LINGO2: variants seen among roughly 807,000 people sequenced by gnomAD.
LINGO2 encodes the protein leucine rich repeat and Ig domain containing 2, also known as leucine-rich repeat and immunoglobulin-like domain-containing nogo receptor-interacting protein 2.
Under a neutral mutation model 30.6 loss-of-function variants are expected in LINGO2, and 14 were observed. The ratio of observed to expected loss-of-function variants is 0.46; its 90% confidence interval spans 0.30 to 0.72. The LOEUF is 0.72. Ranked by LOEUF, LINGO2 falls within the 30% of genes least tolerant of loss-of-function variation. The pLI, the probability that LINGO2 is intolerant of heterozygous loss-of-function variation, is 0.07. For synonymous variants in LINGO2, 317 were observed against 288.5 expected (o/e 1.10, Z -1.00); for missense variants, 729 against 751.7 (o/e 0.97, Z 0.35).
At chr9:28,991,302 G>A in the LINGO2 span, among the ~76,000 whole-genome samples, 4 of 151,104 alleles carry the variant, frequency 2.6e-5, no homozygotes, top group Non-Finnish European at 5.9e-5. Flanking sequence ...AAGCGAGAAG[G>A]GAAGTTTAGA....
intron 3 of LINGO2, among the ~76,000 whole-genome samples, chr9:28,365,493 T>C (rs1028616589): frequency 1.5e-4 from 23 of 152,250 alleles, no homozygotes; most frequent in African/African-American, 5.5e-4. Flanking sequence ...CACCCCCTAG[T>C]GCAAGAGCTC....
the LINGO2 span, among the ~76,000 whole-genome samples, chr9:28,958,834 A>C: frequency 6.6e-6 from 1 of 152,078 alleles, no homozygotes; most frequent in Non-Finnish European, 1.5e-5. Flanking sequence ...ATGATATCCA[A>C]GGAAGGAGCC....
chr9:28,310,449 C>G (rs1824567995), intron 3 of LINGO2, among the ~76,000 whole-genome samples: 1 of 151,972 alleles, frequency 6.6e-6, no homozygotes, highest in African/African-American at 2.4e-5. Context: ...CTGCAGCCCT[C>G]CAAAAAGAAT....
At chr9:28,756,189 TG>T in the LINGO2 span, among the ~76,000 whole-genome samples, 1 of 151,996 alleles carries the variant, frequency 6.6e-6, no homozygotes, top group Admixed American at 6.5e-5. Flanking sequence ...CAGCATGCCC[TG>T]GATGTGAGAT....
chr9:28,672,945 A>C (rs1172027920), upstream of LINGO2, among the ~76,000 whole-genome samples: 1 of 152,162 alleles, frequency 6.6e-6, no homozygotes, highest in Non-Finnish European at 1.5e-5. Context: ...ATGTTGGTGA[A>C]GTAAAGAGTA....
Position 28,421,475 on chromosome 9 carries a change from C to T in LINGO2, c.-278-48607G>A, listed in dbSNP as rs536388788. Among the ~76,000 whole-genome samples the T allele has an allele frequency of 7.0e-5, 10 of 142,914 alleles. No homozygotes were observed. In the East Asian group the frequency reaches 2.0e-3, roughly 28 times the overall value. The allele number at this position is 142,914 out of a possible 152,430, so 93.8% of individuals were successfully genotyped here. A position where few individuals can be genotyped will look rare whatever the true frequency, so the allele number is the denominator to read the frequency against. ...GGAATTTCAAGGGACAACAAATAGC[C>T]AAAAACGTCTTGAAAAAAAAAACAA... On this transcript the variant is annotated intron_variant, in intron 2 of 5. Coordinates refer to ENST00000379992, the Ensembl canonical transcript of LINGO2.
At chr9:28,332,598 G>T (rs62555409) in intron 3 of LINGO2, among the ~76,000 whole-genome samples, 67 of 151,430 alleles carry the variant, frequency 4.4e-4, no homozygotes, top group African/African-American at 1.4e-3. Context: ...AAAAAAAAAG[G>T]CAGGGGGAAT....
At chr9:29,111,792 A>G in the LINGO2 span, among the ~76,000 whole-genome samples, 2 of 118,778 alleles carry the variant, frequency 1.7e-5, no homozygotes, top group Admixed American at 8.4e-5. Context: ...CTAAAGTTCC[A>G]TGGGTATGGG....
intron 2 of LINGO2, among the ~76,000 whole-genome samples, chr9:28,406,964 C>T (rs1423064756): frequency 6.6e-6 from 1 of 152,140 alleles, no homozygotes; most frequent in African/African-American, 2.4e-5. Context: ...CCCAATTAGT[C>T]TCTTAATTCC....
the LINGO2 span, among the ~76,000 whole-genome samples, chr9:28,675,905 G>T: frequency 7.9e-6 from 1 of 126,064 alleles, no homozygotes; most frequent in African/African-American, 2.9e-5. Context: ...GTGTGTGTAT[G>T]TATATATATA....
At chr9:29,180,118 T>C in the LINGO2 span, among the ~76,000 whole-genome samples, 3 of 152,198 alleles carry the variant, frequency 2.0e-5, no homozygotes, top group Non-Finnish European at 4.4e-5. Flanking sequence ...ATAATTGCAA[T>C]TTCAATCATT....
intron 4 of LINGO2, among the ~76,000 whole-genome samples, chr9:28,058,928 CAATT>C (rs1305571125): frequency 6.6e-6 from 1 of 152,048 alleles, no homozygotes; most frequent in Non-Finnish European, 1.5e-5. Context: ...TATAAGTAAA[CAATT>C]ATATATAAAT....
chr9:28,085,488 T>C (rs1415241077), intron 4 of LINGO2, among the ~76,000 whole-genome samples: 1 of 152,084 alleles, frequency 6.6e-6, no homozygotes. Context: ...GCAAGCAGAG[T>C]AATTGTTTAT....
chr9:28,828,136 A>G, the LINGO2 span, among the ~76,000 whole-genome samples: 23 of 151,994 alleles, frequency 1.5e-4, no homozygotes, highest in East Asian at 4.4e-3. Flanking sequence ...TGTAATAGTT[A>G]AACCTAAGAA....
At chr9:28,145,520 TG>T (rs1827788296) in intron 4 of LINGO2, among the ~76,000 whole-genome samples, 1 of 152,226 alleles carries the variant, frequency 6.6e-6, no homozygotes, top group African/African-American at 2.4e-5. Context: ...GAGTCAGGAC[TG>T]GCTGTCTGTA....
Position 28,189,625 on chromosome 9 carries a change from AAGGGAGGG to A in LINGO2, c.-87+105575_-87+105582del, listed in dbSNP as rs562543392. Among the ~76,000 whole-genome samples, 56 of 8,416 alleles carry A rather than the reference AAGGGAGGG, an allele frequency of 6.7e-3. 4 individuals carry two copies. Among genetic ancestry groups the A allele is most frequent in the East Asian group, 0.037 (14 of 378 alleles). The allele number at this position is 8,416 out of a possible 152,430, so 5.5% of individuals were successfully genotyped here. A position where few individuals can be genotyped will look rare whatever the true frequency, so the allele number is the denominator to read the frequency against. On this transcript the variant is annotated intron_variant, in intron 4 of 5. Coordinates refer to ENST00000379992, the Ensembl canonical transcript of LINGO2. Reference sequence around the variant, plus strand: ...GGAGGAAGGAAGGGAGGGAGGGAGGAAGGGAGGGAGGAAGGAAGGGAGGGAGGAAGGAA... The same window carrying A: ...GGAGGAAGGAAGGGAGGGAGGGAGGAAGGAAGGAAGGGAGGGAGGAAGGAA...
At chr9:27,962,615 T>A (rs1021120328) in intron 5 of LINGO2, among the ~76,000 whole-genome samples, 1 of 152,158 alleles carries the variant, frequency 6.6e-6, no homozygotes, top group Non-Finnish European at 1.5e-5. Flanking sequence ...ATCAACTTTT[T>A]GAGTAGCTTA....
At chr9:28,276,194 C>A (rs926178594) in intron 4 of LINGO2, among the ~76,000 whole-genome samples, 1 of 152,082 alleles carries the variant, frequency 6.6e-6, no homozygotes, top group African/African-American at 2.4e-5. Flanking sequence ...ATGCTATAGG[C>A]TTCTTTAATT....
At chr9:28,514,862 A>G (rs1820554645) in intron 1 of LINGO2, among the ~76,000 whole-genome samples, 1 of 152,140 alleles carries the variant, frequency 6.6e-6, no homozygotes. Flanking sequence ...GTTTAAGCCA[A>G]TGCTCATTTG....
Sources: allele counts gnomAD v4.1 joint callset (sites outside exome capture counted in the v4.1 genomes callset), GRCh38; gene constraint gnomAD v4.1.1; transcripts MANE v1.5; gene names NCBI Gene and HGNC (gene_info 2026-07-23, HGNC 2026-07-21).